The following MYT1L variants were observed in gnomAD, a reference collection of about 807,000 sequenced individuals.
MYT1L encodes the protein myelin transcription factor 1 like.
A neutral mutation model predicts 126.7 loss-of-function variants in MYT1L; 12 were observed. That is an observed-to-expected ratio of 0.09 (90% CI 0.06 to 0.15). MYT1L has a LOEUF of 0.15. Ranked by LOEUF, MYT1L falls within the 10% of genes least tolerant of loss-of-function variation. The probability of loss-of-function intolerance (pLI) is 1.00; values close to 1 mark genes in which losing one functional copy is unlikely to be tolerated. For missense variants in MYT1L, 979 were observed against 1,585.2 expected, an observed-to-expected ratio of 0.62 and a Z score of 6.49; for synonymous variants, 541 against 604.2, an observed-to-expected ratio of 0.90 and a Z score of 1.53.
At chr2:2,241,138 G>A (rs1477419722) in intron 2 of MYT1L, among the ~76,000 whole-genome samples, 1 of 152,132 alleles carries the variant, frequency 6.6e-6, no homozygotes, top group East Asian at 1.9e-4. Flanking sequence ...AATTTTGTGT[G>A]TTAGTGAACG....
intron 4 of MYT1L, among the ~76,000 whole-genome samples, chr2:2,044,637 G>A (rs567909124): frequency 1.5e-4 from 23 of 152,254 alleles, no homozygotes; most frequent in Admixed American, 4.6e-4. Flanking sequence ...AAATATTTGC[G>A]TTGATAGTAT....
Position 1,956,441 on chromosome 2 carries a change from C to CTAT in MYT1L, c.153-13108_153-13107insATA, listed in dbSNP as rs1573965981. 2.5e-4 allele frequency among the ~76,000 whole-genome samples: 9 copies of CTAT among 36,310 alleles called. 1 individual carries two copies. The highest frequency in any genetic ancestry group is 1.1e-3 in the African/African-American group (5 of 4,400). The allele number at this position is 36,310 out of a possible 152,430, so 23.8% of individuals were successfully genotyped here. A position where few individuals can be genotyped will look rare whatever the true frequency, so the allele number is the denominator to read the frequency against. On this transcript the variant is annotated intron_variant, in intron 8 of 24. Transcript: ENST00000647738. Reference sequence around the variant, plus strand: ...ATCTATCTATCTATCTATCTATCTACCTATCATCTATCTATCCTATTCTAT... The same window carrying CTAT: ...ATCTATCTATCTATCTATCTATCTACTATCTATCATCTATCTATCCTATTCTAT...
chr2:2,072,358 A>G (rs1441863095), intron 3 of MYT1L, among the ~76,000 whole-genome samples: 1 of 152,178 alleles, frequency 6.6e-6, no homozygotes. Context: ...GTGAATCCAA[A>G]TGTCTAAAGT....
intron 3 of MYT1L, among the ~76,000 whole-genome samples, chr2:2,099,431 T>C (rs1179012270): frequency 2.0e-5 from 3 of 152,090 alleles, no homozygotes; most frequent in Admixed American, 1.3e-4. Flanking sequence ...GAAAGGCTCA[T>C]GGCAAACAGG....
At chr2:2,253,871 G>A (rs2094730846) in intron 2 of MYT1L, among the ~76,000 whole-genome samples, 1 of 152,160 alleles carries the variant, frequency 6.6e-6, no homozygotes, top group South Asian at 2.1e-4. Flanking sequence ...ACTCTCCTAA[G>A]GTCTGCCTTC....
intron 8 of MYT1L, among the ~76,000 whole-genome samples, chr2:1,962,643 G>A (rs2059048278): frequency 6.6e-6 from 1 of 152,148 alleles, no homozygotes; most frequent in African/African-American, 2.4e-5. Flanking sequence ...TTCAAAATTG[G>A]AGTCAGTCCT....
chr2:1,897,933 T>C (rs575387719), intron 14 of MYT1L, among the ~76,000 whole-genome samples: 5 of 152,254 alleles, frequency 3.3e-5, no homozygotes, highest in African/African-American at 1.2e-4. Context: ...TAAACCATCC[T>C]AAAAATACCT....
At chr2:2,072,561 A>AG (rs1449471253) in intron 3 of MYT1L, among the ~76,000 whole-genome samples, 1 of 152,154 alleles carries the variant, frequency 6.6e-6, no homozygotes, top group Non-Finnish European at 1.5e-5. Context: ...TACAAATAAC[A>AG]GTTTATTTCT....
At chr2:2,297,205 C>T (rs1370437584) in intron 1 of MYT1L, among the ~76,000 whole-genome samples, 1 of 152,240 alleles carries the variant, frequency 6.6e-6, no homozygotes, top group Non-Finnish European at 1.5e-5. Context: ...TGAGTCTCTG[C>T]TTCCAAGGCT....
rs2090275831 is a variant in MYT1L at position 2,172,977 on chromosome 2, T to C, written c.-409A>G. The C allele has an allele frequency of 6.6e-6, 1 of 152,276 alleles. No homozygotes were observed. Among genetic ancestry groups the C allele is most frequent in the Non-Finnish European group, 1.5e-5 (1 of 68,046 alleles). The allele number at this position is 152,276 out of a possible 1,614,324, so 9.4% of individuals were successfully genotyped here. The stretch of plus-strand genomic sequence containing the variant: ...GGATAGGAATTCACCAATTCTCCTC[T>C]GAGTTCATTTTCTAAAGGATAGAGC... On this transcript the variant is annotated 5_prime_UTR_variant, in exon 3 of 25. Coordinates refer to ENST00000647738, the MANE Select transcript of MYT1L (RefSeq NM_001303052.2).
intron 11 of MYT1L, among the ~76,000 whole-genome samples, chr2:1,916,856 G>A (rs1215808023): frequency 6.6e-6 from 1 of 152,214 alleles, no homozygotes; most frequent in African/African-American, 2.4e-5. Flanking sequence ...CATGCTGGAA[G>A]GGACGTCTTA....
At chr2:2,215,016 A>T (rs10865534) in intron 2 of MYT1L, among the ~76,000 whole-genome samples, 18,379 of 152,226 alleles carry the variant, frequency 0.12, 1,183 homozygotes, top group Non-Finnish European at 0.15. Context: ...ATGGTAAAAA[A>T]TTAAAGATGT....
chr2:2,164,832 T>G (rs960821344), intron 3 of MYT1L, among the ~76,000 whole-genome samples: 2 of 152,234 alleles, frequency 1.3e-5, no homozygotes, highest in Non-Finnish European at 2.9e-5. Flanking sequence ...CTGCATTCCA[T>G]GTACACAAGT....
chr2:1,952,772 T>C, intron 8 of MYT1L, among the ~76,000 whole-genome samples: 1 of 71,712 alleles, frequency 1.4e-5, no homozygotes, highest in Non-Finnish European at 2.7e-5. Context: ...CTTCCCTCCC[T>C]TCCCTCCTTT....
chr2:2,295,593 CAGAGAGAGAGACAGACAGAGAGAG>C (rs1559583690), intron 1 of MYT1L, among the ~76,000 whole-genome samples: 1 of 20,794 alleles, frequency 4.8e-5, no homozygotes, highest in Non-Finnish European at 9.2e-5. Context: ...GACAGACAGA[CAGAGAGAGAGACAGACAGAGAGAG>C]AGAGAGAGAC....
chr2:2,156,451 G>C (rs1267204017), intron 3 of MYT1L, among the ~76,000 whole-genome samples: 1 of 152,238 alleles, frequency 6.6e-6, no homozygotes, highest in Admixed American at 6.5e-5. Flanking sequence ...CATAGCAAGA[G>C]AGCACAAGGC....
At chr2:1,975,997 C>G (rs1360961646) in intron 8 of MYT1L, among the ~76,000 whole-genome samples, 1 of 151,816 alleles carries the variant, frequency 6.6e-6, no homozygotes, top group Non-Finnish European at 1.5e-5. Context: ...TCCAATACAT[C>G]AACACCTCAA....
intron 2 of MYT1L, among the ~76,000 whole-genome samples, chr2:2,251,927 G>A (rs1373770050): frequency 2.0e-5 from 3 of 151,098 alleles, no homozygotes; most frequent in Non-Finnish European, 2.9e-5. Context: ...AAGAAAGAAA[G>A]AAGAAAAGAA....
At chr2:2,051,713 G>A (rs939594793) in intron 4 of MYT1L, among the ~76,000 whole-genome samples, 13 of 152,302 alleles carry the variant, frequency 8.5e-5, no homozygotes, top group Non-Finnish European at 1.8e-4. Flanking sequence ...ATATTCTTAT[G>A]TAATTGCTCA....
Sources: allele counts gnomAD v4.1 joint callset (sites outside exome capture counted in the v4.1 genomes callset), GRCh38; gene constraint gnomAD v4.1.1; transcripts MANE v1.5; gene names NCBI Gene and HGNC (gene_info 2026-07-23, HGNC 2026-07-21).